APOBEC3H: variants seen among roughly 807,000 people sequenced by gnomAD.
The protein encoded by APOBEC3H is apolipoprotein B mRNA editing enzyme catalytic subunit 3H, also known as DNA dC->dU-editing enzyme APOBEC-3H.
Under a neutral mutation model 21.2 loss-of-function variants are expected in APOBEC3H, and 8 were observed. The ratio of observed to expected loss-of-function variants is 0.38; its 90% CI spans 0.22 to 0.68. The LOEUF is 0.68. Ranked by LOEUF, APOBEC3H falls within the 30% of genes least tolerant of loss-of-function variation. The pLI, the probability that APOBEC3H is intolerant of heterozygous loss-of-function variation, is 0.52. For synonymous variants in APOBEC3H, 88 were observed against 91.0 expected, an observed-to-expected ratio of 0.97 and a Z score of 0.19; for missense variants, 229 against 228.1, an observed-to-expected ratio of 1.00 and a Z score of -0.03.
chr22:39,100,703 T>C (rs1285572988), intron 2 of APOBEC3H, among the ~76,000 whole-genome samples: 1 of 152,058 alleles, frequency 6.6e-6, no homozygotes, highest in East Asian at 1.9e-4. Context: ...TTACTCATTC[T>C]CCCGATCTCA....
At chr22:39,098,482 T>TA (rs1285414232) in intron 1 of APOBEC3H, among the ~76,000 whole-genome samples, 2 of 151,974 alleles carry the variant, frequency 1.3e-5, no homozygotes, top group African/African-American at 2.4e-5. Flanking sequence ...CTACTAAAAC[T>TA]AAAAAAATAA....
intron 3 of APOBEC3H, 141 bp from the exon 4 acceptor site, chr22:39,101,777 C>G (rs1428901539): frequency 3.7e-6 from 5 of 1,355,560 alleles, no homozygotes; most frequent in Non-Finnish European, 5.1e-6. Flanking sequence ...GGCCCAAGAT[C>G]TGACACCACC....
rs777239773 is a variant in APOBEC3H, at chr22:39,103,643, G to A, written c.544-46G>A. ...ACCTCTCCCTCCCTTCCTCCCTGTG[G>A]TGTCCCACCAGTTGGTACCTCCTAA... On this transcript the variant is annotated intron_variant, in intron 4 of 4. Coordinates refer to ENST00000442487, the MANE Select transcript of APOBEC3H (RefSeq NM_181773.5). 6.3e-6 allele frequency: 10 copies of A among 1,595,618 alleles called. No individual in the cohort carries two copies. In the South Asian group the frequency reaches 1.1e-4, roughly 18 times the overall value.
In APOBEC3H at chr22:39,101,304, G is replaced by A. The variant is rs757902029; in HGVS notation, c.218G>A (p.Cys73Tyr). 4 of 1,613,556 alleles carry A rather than the reference G, an allele frequency of 2.5e-6. No individual in the cohort carries two copies. Among genetic ancestry groups the A allele is most frequent in the Non-Finnish European group, 3.4e-6 (4 of 1,179,924 alleles). The change falls in exon 3 of 5, where the codon TGC becomes TAC. Residue 73 changes from cysteine to tyrosine, a missense_variant. Cys to Tyr is a radical substitution (Grantham distance 194, BLOSUM62 -2). Transcript: ENST00000442487. ...IKSMGLDETQ[C>Y]YQVTCYLTWS... ...TCCATGGGACTGGACGAAACGCAGT[G>A]CTACCAAGTCACCTGTTACCTCACG... is the stretch of plus-strand genomic sequence containing the variant.
intron 4 of APOBEC3H, 28 bp from the exon 5 acceptor site, chr22:39,103,661 C>T (rs1929494908): frequency 6.2e-7 from 1 of 1,612,520 alleles, no homozygotes; most frequent in Middle Eastern, 1.6e-4. Flanking sequence ...CCAGTTGGTA[C>T]CTCCTAACTT....
In APOBEC3H at chr22:39,101,217, C is replaced by T; in HGVS notation, c.151-20C>T. 4.1e-6 allele frequency: 6 copies of T among 1,474,660 alleles called. No homozygotes were observed. The highest frequency in any genetic ancestry group is 5.5e-6 in the Non-Finnish European group (6 of 1,092,768). 91.3% of individuals were successfully genotyped at this position (1,474,660 alleles called of 1,614,324 possible). A position where few individuals can be genotyped will look rare whatever the true frequency, so the allele number is the denominator to read the frequency against. ...CTCTCTCTTCTCCCCTCCCTTCTCT[C>T]TGTTTGGGACCCTCCCCAGAAAAAG... On this transcript the variant is annotated intron_variant, in intron 2 of 4. Coordinates refer to ENST00000442487, the MANE Select transcript of APOBEC3H (RefSeq NM_181773.5).
chr22:39,100,482 G>A, intron 2 of APOBEC3H, 54 bp downstream of exon 2: 1 of 1,581,674 alleles, frequency 6.3e-7, no homozygotes, highest in Non-Finnish European at 8.6e-7. Flanking sequence ...CCCATCTGAT[G>A]TGTGCAGAAA....
chr22:39,100,246 T>C lies in APOBEC3H; in HGVS notation c.-7-26T>C, dbSNP rs374189433. The stretch of plus-strand genomic sequence containing the variant: ...ACTCAAGAGGACGCTCCCTTCATCT[T>C]TGGTTTTCCCCTTTCTGTTGCACAG... On this transcript the variant is annotated intron_variant, in intron 1 of 4. Coordinates refer to ENST00000442487, the MANE Select transcript of APOBEC3H (RefSeq NM_181773.5). The C allele has an allele frequency of 2.2e-5, 36 of 1,600,080 alleles. No individual in the cohort carries two copies. The African/African-American group carries it at 4.1e-4, about 18-fold the overall frequency.
intron 2 of APOBEC3H, 37 bp downstream of exon 2, chr22:39,100,465 G>A (rs1238467835): frequency 1.2e-6 from 2 of 1,604,194 alleles, no homozygotes; most frequent in East Asian, 2.2e-5. Flanking sequence ...GGCCGGCAGG[G>A]GCTAACCCCA....
At chr22:39,097,466 T>C in intron 1 of APOBEC3H, 123 bp downstream of exon 1, 1 of 153,304 alleles carries the variant, frequency 6.5e-6, no homozygotes, top group Non-Finnish European at 1.5e-5. Context: ...CTCCTCTGGC[T>C]CCCCTGCCAT....
In APOBEC3H at chr22:39,100,409, G is replaced by C; in HGVS notation, c.131G>C (p.Arg44Thr). 6.2e-7 allele frequency: 1 copy of C among 1,613,716 alleles called. No homozygotes were observed. The highest frequency in any genetic ancestry group is 8.5e-7 in the Non-Finnish European group (1 of 1,179,786). ...LTPQNGSTPT[R>T]GYFENKKKCH... ...CCGCAGAATGGCTCCACGCCCACGAGAGGCTACTTTGAAAACAAGGTGCCA... is the reference window on the plus strand; with the variant it reads ...CCGCAGAATGGCTCCACGCCCACGACAGGCTACTTTGAAAACAAGGTGCCA... The change falls in exon 2 of 5, where the codon AGA (arginine) becomes ACA (threonine). Residue 44 changes from arginine to threonine, a missense_variant. Coordinates refer to ENST00000442487, the MANE Select transcript of APOBEC3H (RefSeq NM_181773.5).
rs77993299 is a variant in APOBEC3H at position 39,101,401 on chromosome 22, C to T, written c.315C>T (p.Gly105=). The part of the protein sequence containing the change: ...FIKAHDHLNL[G]IFASRLYYHW... Reference sequence around the variant, plus strand: ...AGGCTCACGACCATCTGAACCTGGGCATCTTCGCCTCCCGCCTGTACTACC... The same window carrying T: ...AGGCTCACGACCATCTGAACCTGGGTATCTTCGCCTCCCGCCTGTACTACC... The change falls in exon 3 of 5, where the codon GGC becomes GGT. Residue 105 remains glycine, a synonymous_variant. Coordinates refer to ENST00000442487, the MANE Select transcript of APOBEC3H (RefSeq NM_181773.5). 2.4e-3 allele frequency: 3,794 copies of T among 1,611,950 alleles called. 68 individuals carry two copies. The African/African-American group carries it at 0.041, about 17-fold the overall frequency.
Position 39,101,369 on chromosome 22 carries a change from T to C in APOBEC3H, c.283T>C (p.Phe95Leu). ...CSSCAWELVD[F>L]IKAHDHLNLG... ...CTCCTGTGCCTGGGAGCTGGTTGAC[T>C]TCATCAAGGCTCACGACCATCTGAA... The change falls in exon 3 of 5, where the codon TTC becomes CTC. Residue 95 changes from phenylalanine to leucine, a missense_variant. Transcript: ENST00000442487. The C allele has an allele frequency of 6.2e-7, 1 of 1,612,654 alleles. No homozygotes were observed. Among genetic ancestry groups the C allele is most frequent in the Non-Finnish European group, 8.5e-7 (1 of 1,179,680 alleles).
chr22:39,100,328 G>T lies in APOBEC3H; in HGVS notation c.50G>T (p.Arg17Leu). The change falls in exon 2 of 5, where the codon CGC (arginine) becomes CTC (leucine). Residue 17 changes from arginine to leucine, a missense_variant. Transcript: ENST00000442487. Reference protein sequence around the residue: ...ETFRLQFNNKRRLRRPYYPRK... With the variant: ...ETFRLQFNNKLRLRRPYYPRK... ...TTCCGCTTACAGTTTAACAACAAGC[G>T]CCGCCTCAGAAGGCCTTACTACCCG... 4 of 1,610,248 alleles carry T rather than the reference G, an allele frequency of 2.5e-6. No individual in the cohort carries two copies. Among genetic ancestry groups the T allele is most frequent in the Non-Finnish European group, 3.4e-6 (4 of 1,178,388 alleles).
intron 4 of APOBEC3H, chr22:39,102,634 AC>A (rs1929436408): frequency 1.4e-6 from 1 of 694,910 alleles, no homozygotes; most frequent in African/African-American, 1.8e-5. Context: ...CCCCCCTCCC[AC>A]CCTCTCTTCT....
intron 1 of APOBEC3H, among the ~76,000 whole-genome samples, chr22:39,099,493 G>A (rs1423599643): frequency 1.3e-5 from 2 of 152,142 alleles, no homozygotes; most frequent in East Asian, 1.9e-4. Context: ...CGAGAGGCCT[G>A]TGGACCTCAA....
intron 1 of APOBEC3H, among the ~76,000 whole-genome samples, chr22:39,099,417 G>C (rs1216434483): frequency 6.6e-6 from 1 of 152,212 alleles, no homozygotes; most frequent in Non-Finnish European, 1.5e-5. Context: ...CAGTGCTGGA[G>C]GAAGCCCCAG....
chr22:39,102,543 T>C, intron 4 of APOBEC3H: 1 of 718,516 alleles, frequency 1.4e-6, no homozygotes, highest in East Asian at 2.7e-5. Flanking sequence ...GGTCGTTACA[T>C]GGATATATTG....
At chr22:39,099,110 G>A (rs6001430) in intron 1 of APOBEC3H, among the ~76,000 whole-genome samples, 20,449 of 152,048 alleles carry the variant, frequency 0.13, 1,863 homozygotes, top group African/African-American at 0.26. Flanking sequence ...CAGGAGAATT[G>A]CTTGAACCCG....
Sources: gnomAD v4.1 joint callset for allele counts (sites outside exome capture counted in the v4.1 genomes callset) on GRCh38, gnomAD v4.1.1 for gene constraint, MANE v1.5 for transcripts, NCBI Gene and HGNC (gene_info 2026-07-23, HGNC 2026-07-21) for gene names.